The following TAFA1 variants were observed in gnomAD, a reference collection of about 807,000 sequenced individuals.
TAFA1 encodes chemokine-like protein TAFA-1.
In TAFA1, 4 loss-of-function variants were observed where a neutral mutation model predicts 18.5. That is an observed-to-expected ratio of 0.22 (90% CI 0.11 to 0.49). TAFA1 has a LOEUF of 0.49. Among genes scored for constraint, TAFA1 ranks in the 20% least tolerant of loss-of-function variants. The pLI is 0.98. For synonymous variants in TAFA1, 56 were observed against 55.2 expected (o/e 1.01, Z -0.06); for missense variants, 147 against 169.0 (o/e 0.87, Z 0.72).
At chr3:67,992,444 AT>A in the TAFA1 span, among the ~76,000 whole-genome samples, 2 of 152,096 alleles carry the variant, frequency 1.3e-5, no homozygotes, top group African/African-American at 4.8e-5. Context: ...TGTTAGATTT[AT>A]TTCTATCCTG....
chr3:68,432,709 ATCT>A (rs2071200274), intron 3 of TAFA1, among the ~76,000 whole-genome samples: 1 of 152,028 alleles, frequency 6.6e-6, no homozygotes, highest in African/African-American at 2.4e-5. Flanking sequence ...TACTGAGGAC[ATCT>A]TCTAATCCCA....
upstream of TAFA1, among the ~76,000 whole-genome samples, chr3:67,999,827 A>G (rs376237724): frequency 6.7e-6 from 1 of 148,482 alleles, no homozygotes; most frequent in African/African-American, 2.5e-5. Flanking sequence ...CGAGTTTCTC[A>G]TCACTCAGGC....
At chr3:68,460,612 G>A (rs1320459486) in intron 3 of TAFA1, among the ~76,000 whole-genome samples, 7 of 152,078 alleles carry the variant, frequency 4.6e-5, no homozygotes, top group South Asian at 2.1e-4. Flanking sequence ...AGCATCTCTC[G>A]CTCCTTCCTA....
intron 2 of TAFA1, among the ~76,000 whole-genome samples, chr3:68,370,353 TAC>T (rs1553682471): frequency 1.2e-4 from 5 of 41,126 alleles, no homozygotes; most frequent in Non-Finnish European, 1.5e-4. Flanking sequence ...TATATATATA[TAC>T]ACACACACAC....
chr3:68,395,667 G>A (rs562903962), intron 2 of TAFA1, among the ~76,000 whole-genome samples: 9 of 152,286 alleles, frequency 5.9e-5, no homozygotes, highest in Admixed American at 5.2e-4. Flanking sequence ...GGACATGGAT[G>A]AAGCTGGAAA....
chr3:68,145,169 C>A (rs2065723102), intron 2 of TAFA1: 1 of 842,846 alleles, frequency 1.2e-6, no homozygotes, highest in Non-Finnish European at 2.1e-6. Flanking sequence ...TGCAAGATAT[C>A]TTTGGAAAAG....
At chr3:68,336,880 T>C (rs1417867635) in intron 2 of TAFA1, among the ~76,000 whole-genome samples, 1 of 152,160 alleles carries the variant, frequency 6.6e-6, no homozygotes, top group African/African-American at 2.4e-5. Context: ...TGCACTACCA[T>C]GCCTAGCTAA....
intron 3 of TAFA1, among the ~76,000 whole-genome samples, chr3:68,528,852 G>A (rs1432488181): frequency 1.3e-5 from 2 of 152,146 alleles, no homozygotes; most frequent in South Asian, 4.2e-4. Context: ...TTGCCTTTTT[G>A]GTTTGGCATG....
intron 2 of TAFA1, among the ~76,000 whole-genome samples, chr3:68,367,556 G>C (rs1341344985): frequency 2.6e-5 from 4 of 152,192 alleles, no homozygotes; most frequent in African/African-American, 4.8e-5. Context: ...CAAAGAGACA[G>C]GGCTGGAAAA....
At chr3:68,137,840 A>G (rs1256850078) in intron 2 of TAFA1, among the ~76,000 whole-genome samples, 2 of 152,186 alleles carry the variant, frequency 1.3e-5, no homozygotes, top group African/African-American at 2.4e-5. Flanking sequence ...AAAAATAGCA[A>G]TGTTATGCTA....
intron 3 of TAFA1, among the ~76,000 whole-genome samples, chr3:68,498,856 A>G (rs908050193): frequency 6.6e-6 from 1 of 151,280 alleles, no homozygotes; most frequent in Non-Finnish European, 1.5e-5. Flanking sequence ...GTGATTGACT[A>G]AAATGGTCTT....
At position 68,457,961 on chromosome 3, in the gene TAFA1, T is replaced by A. The variant is rs2071697397; in HGVS notation, c.259+40541T>A. 3.9e-5 allele frequency among the ~76,000 whole-genome samples: 6 copies of A among 152,162 alleles called. No homozygotes were observed. The South Asian group carries it at 1.0e-3, about 26-fold the overall frequency. On this transcript the variant is annotated intron_variant, in intron 3 of 4. Coordinates refer to ENST00000478136, the MANE Select transcript of TAFA1 (RefSeq NM_213609.4). ...AAATACTTTGAAATAGTTTACCCTA[T>A]CACTCATGGGTAAGCTCATGGGATG...
chr3:68,104,587 T>C (rs2065184709), intron 2 of TAFA1, among the ~76,000 whole-genome samples: 1 of 152,080 alleles, frequency 6.6e-6, no homozygotes, highest in Non-Finnish European at 1.5e-5. Flanking sequence ...TAAAGATCTG[T>C]AACTCTAAAC....
intron 2 of TAFA1, among the ~76,000 whole-genome samples, chr3:68,388,672 G>T (rs1229787559): frequency 1.3e-5 from 2 of 151,752 alleles, no homozygotes; most frequent in Non-Finnish European, 2.9e-5. Flanking sequence ...ATACGCTTTC[G>T]GCCTATATTC....
At chr3:68,293,662 T>C (rs1372191459) in intron 2 of TAFA1, among the ~76,000 whole-genome samples, 2 of 152,248 alleles carry the variant, frequency 1.3e-5, no homozygotes, top group African/African-American at 4.8e-5. Flanking sequence ...GCACATGTGC[T>C]TGATCAATGC....
intron 2 of TAFA1, among the ~76,000 whole-genome samples, chr3:68,350,051 T>C (rs1212252940): frequency 6.6e-6 from 1 of 152,160 alleles, no homozygotes; most frequent in Non-Finnish European, 1.5e-5. Flanking sequence ...ATTTAAGGGT[T>C]GTAAACTGAA....
At chr3:68,199,345 T>C (rs1427105560) in intron 2 of TAFA1, among the ~76,000 whole-genome samples, 11 of 151,526 alleles carry the variant, frequency 7.3e-5, no homozygotes. Context: ...CTATTCTGAC[T>C]CTTTTGCCTC....
intron 2 of TAFA1, among the ~76,000 whole-genome samples, chr3:68,177,391 T>G (rs143024976): frequency 2.6e-5 from 4 of 152,286 alleles, no homozygotes; most frequent in African/African-American, 9.6e-5. Flanking sequence ...AGAGAAAACC[T>G]CACTAATGAA....
chr3:68,524,511 C>T (rs986105796), intron 3 of TAFA1, among the ~76,000 whole-genome samples: 4 of 152,012 alleles, frequency 2.6e-5, no homozygotes, highest in African/African-American at 9.7e-5. Flanking sequence ...AGAGGCAGTA[C>T]ATTTAGAAAA....
Sources: allele counts gnomAD v4.1 joint callset (sites outside exome capture counted in the v4.1 genomes callset), GRCh38; gene constraint gnomAD v4.1.1; transcripts MANE v1.5; gene names NCBI Gene and HGNC (gene_info 2026-07-23, HGNC 2026-07-21).